The following TAOK1 variants were observed in gnomAD, a reference collection of about 807,000 sequenced individuals.
TAOK1 encodes serine/threonine-protein kinase TAO1.
TAOK1 carries 21 observed loss-of-function variants against 138.3 expected under a neutral mutation model. The observed-to-expected ratio is 0.15, with a 90% CI of 0.11 to 0.22. The LOEUF (loss-of-function observed/expected upper bound fraction) is 0.22, where lower values mean the gene tolerates loss of function less well. Among genes scored for constraint, TAOK1 ranks in the 10% least tolerant of loss-of-function variants. The pLI, the probability that TAOK1 is intolerant of heterozygous loss-of-function variation, is 1.00. For missense variants in TAOK1, 651 were observed against 1,227.7 expected, an observed-to-expected ratio of 0.53 and a Z score of 7.02; for synonymous variants, 361 against 398.4, an observed-to-expected ratio of 0.91 and a Z score of 1.12.
intron 1 of TAOK1, among the ~76,000 whole-genome samples, chr17:29,419,380 G>C (rs1905357840): frequency 6.6e-6 from 1 of 151,924 alleles, no homozygotes; most frequent in Non-Finnish European, 1.5e-5. Flanking sequence ...ATTTTTAATA[G>C]AGACGGGGTT....
At chr17:29,497,725 A>G (rs1232670915) in intron 11 of TAOK1, among the ~76,000 whole-genome samples, 2 of 151,624 alleles carry the variant, frequency 1.3e-5, no homozygotes, top group African/African-American at 4.8e-5. Flanking sequence ...AAAAAAAAAA[A>G]AAAAAGAAAG....
intron 18 of TAOK1, among the ~76,000 whole-genome samples, chr17:29,532,386 T>C (rs1421038766): frequency 9.9e-5 from 15 of 151,602 alleles, no homozygotes; most frequent in Admixed American, 2.6e-4. Flanking sequence ...CTTGGGTGTT[T>C]CTCGCAGAGG....
chr17:29,468,828 C>T (rs1374377571), intron 3 of TAOK1, among the ~76,000 whole-genome samples: 2 of 152,124 alleles, frequency 1.3e-5, no homozygotes, highest in South Asian at 4.1e-4. Flanking sequence ...AGATTACAGG[C>T]GTGAGCCACC....
At chr17:29,492,005 CT>C in intron 10 of TAOK1, 140 bp downstream of exon 10, 1 of 594,710 alleles carries the variant, frequency 1.7e-6, no homozygotes. Flanking sequence ...CCACCTCAGC[CT>C]CCCAAGTAGC....
intron 8 of TAOK1, among the ~76,000 whole-genome samples, chr17:29,485,497 G>A (rs1435221610): frequency 5.1e-5 from 7 of 136,218 alleles, no homozygotes; most frequent in Non-Finnish European, 1.7e-5. Flanking sequence ...AATAAGCTGG[G>A]CATGGTAACC....
intron 1 of TAOK1, among the ~76,000 whole-genome samples, chr17:29,404,845 C>T (rs1034182511): frequency 5.3e-5 from 8 of 152,080 alleles, no homozygotes; most frequent in Non-Finnish European, 8.8e-5. Context: ...TGTTAAAATA[C>T]ACTACCATTC....
At chr17:29,410,510 C>T (rs1049630314) in intron 1 of TAOK1, among the ~76,000 whole-genome samples, 2 of 152,040 alleles carry the variant, frequency 1.3e-5, no homozygotes, top group African/African-American at 4.8e-5. Flanking sequence ...GCCTCGGCCT[C>T]CCAAAGTGCT....
At chr17:29,457,580 A>G (rs767518926) in intron 2 of TAOK1, among the ~76,000 whole-genome samples, 173 of 116,552 alleles carry the variant, frequency 1.5e-3, no homozygotes, top group Admixed American at 2.4e-3. Context: ...TAATTTTTGT[A>G]TTTTTAGTAG....
chr17:29,467,104 T>A, intron 2 of TAOK1, 41 bp from the exon 3 acceptor site: 1 of 1,460,410 alleles, frequency 6.8e-7, no homozygotes, highest in Non-Finnish European at 9.4e-7. Context: ...AGATTTCACC[T>A]GTTAATTTTT....
At chr17:29,528,498 C>G (rs926476361) in intron 17 of TAOK1, among the ~76,000 whole-genome samples, 3 of 151,990 alleles carry the variant, frequency 2.0e-5, no homozygotes, top group African/African-American at 7.2e-5. Flanking sequence ...CCAAGTCAGC[C>G]TCACATTTGG....
intron 1 of TAOK1, among the ~76,000 whole-genome samples, chr17:29,425,619 A>G (rs1470154840): frequency 2.6e-5 from 4 of 152,140 alleles, no homozygotes; most frequent in Admixed American, 1.3e-4. Flanking sequence ...AGCTGAGATT[A>G]CACCACTGCA....
At position 29,416,764 on chromosome 17, in the gene TAOK1, G is replaced by C. The variant is rs1205648813; in HGVS notation, c.-95+25740G>C. On this transcript the variant is annotated intron_variant, in intron 1 of 19. Coordinates refer to ENST00000261716, the MANE Select transcript of TAOK1 (RefSeq NM_020791.4). ...TCATGTTTGATACTACCGTAGAGAG[G>C]CAAAATTTGAACTCATTAATTTTCT... 3.3e-5 allele frequency among the ~76,000 whole-genome samples: 5 copies of C among 152,042 alleles called. No individual in the cohort carries two copies. In the East Asian group the frequency reaches 9.6e-4, roughly 29 times the overall value.
intron 8 of TAOK1, among the ~76,000 whole-genome samples, chr17:29,488,141 G>A (rs1282136898): frequency 6.6e-6 from 1 of 152,198 alleles, no homozygotes; most frequent in Non-Finnish European, 1.5e-5. Context: ...AAAATGTGCA[G>A]ATGCTTAAGT....
At chr17:29,405,687 G>A (rs1018488367) in intron 1 of TAOK1, among the ~76,000 whole-genome samples, 1 of 152,080 alleles carries the variant, frequency 6.6e-6, no homozygotes, top group Non-Finnish European at 1.5e-5. Context: ...GCAGAGGTAG[G>A]AGAATTGCTT....
chr17:29,487,265 A>G (rs1320096846), intron 8 of TAOK1, among the ~76,000 whole-genome samples: 3 of 150,554 alleles, frequency 2.0e-5, no homozygotes, highest in African/African-American at 7.4e-5. Flanking sequence ...AAAAAAAAAA[A>G]AAAAAAAAAA....
intron 3 of TAOK1, among the ~76,000 whole-genome samples, chr17:29,472,958 A>G (rs928729880): frequency 6.6e-6 from 1 of 152,242 alleles, no homozygotes; most frequent in Non-Finnish European, 1.5e-5. Context: ...ATTAGCAGGA[A>G]TAAAAACAAC....
intron 1 of TAOK1, among the ~76,000 whole-genome samples, chr17:29,398,810 G>C (rs879300516): frequency 3.3e-5 from 5 of 151,924 alleles, no homozygotes; most frequent in Non-Finnish European, 7.4e-5. Context: ...GGGATTACAG[G>C]CGGGCATGAG....
chr17:29,535,293 A>AG (rs36015749), intron 19 of TAOK1, among the ~76,000 whole-genome samples: 57,373 of 151,854 alleles, frequency 0.38, 12,057 homozygotes, highest in Non-Finnish European at 0.48. Flanking sequence ...CCTGGGCAAC[A>AG]GGCAAGATCC....
At chr17:29,475,113 G>C (rs1479108323) in intron 3 of TAOK1, among the ~76,000 whole-genome samples, 2 of 151,872 alleles carry the variant, frequency 1.3e-5, no homozygotes, top group Admixed American at 6.6e-5. Flanking sequence ...GCTAATTTTT[G>C]TATTTTTAGT....
Sources: allele counts gnomAD v4.1 joint callset (sites outside exome capture counted in the v4.1 genomes callset), GRCh38; gene constraint gnomAD v4.1.1; transcripts MANE v1.5; gene names NCBI Gene and HGNC (gene_info 2026-07-23, HGNC 2026-07-21).